Variants in MACROD2 observed in about 807,000 individuals in gnomAD.
MACROD2 encodes the protein ADP-ribose glycohydrolase MACROD2.
A neutral mutation model predicts 70.4 loss-of-function variants in MACROD2; 36 were observed. The ratio of observed to expected loss-of-function variants is 0.51; its 90% CI spans 0.39 to 0.68. MACROD2 has a LOEUF of 0.68. Among genes scored for constraint, MACROD2 ranks in the 30% least tolerant of loss-of-function variants. The pLI is 0.00. For synonymous variants in MACROD2, 172 were observed against 178.8 expected (o/e 0.96, Z 0.30); for missense variants, 496 against 538.4 (o/e 0.92, Z 0.78).
intron 8 of MACROD2, among the ~76,000 whole-genome samples, chr20:15,794,403 C>G (rs1357297869): frequency 6.6e-6 from 1 of 152,216 alleles, no homozygotes; most frequent in Non-Finnish European, 1.5e-5. Context: ...GAATCCCTGT[C>G]TTGCCAACCC....
intron 5 of MACROD2, among the ~76,000 whole-genome samples, chr20:15,027,182 G>A (rs2075238555): frequency 6.6e-6 from 1 of 152,052 alleles, no homozygotes; most frequent in Admixed American, 6.5e-5. Context: ...ATCTTTATAT[G>A]TTTAATTGGG....
intron 6 of MACROD2, among the ~76,000 whole-genome samples, chr20:15,285,893 G>C (rs1366209469): frequency 1.3e-5 from 2 of 150,406 alleles, no homozygotes; most frequent in East Asian, 2.0e-4. Flanking sequence ...TTTTGGGGGG[G>C]TTGCATTTAT....
At position 15,987,364 on chromosome 20, in the gene MACROD2, A is replaced by C. The variant is rs1249288124; in HGVS notation, c.1153+206A>C. Among the ~76,000 whole-genome samples, 6 of 152,224 alleles carry C rather than the reference A, an allele frequency of 3.9e-5. No homozygotes were observed. In the East Asian group the frequency reaches 1.2e-3, roughly 29 times the overall value. On this transcript the variant is annotated intron_variant, in intron 15 of 17. Coordinates refer to ENST00000684519, the MANE Select transcript of MACROD2 (RefSeq NM_001351661.2). ...TACTCGGAAGACTTATAGCAATTAC[A>C]TATAGCATAAAGATGTTTTTGTTAT... is the stretch of plus-strand genomic sequence containing the variant.
intron 10 of MACROD2, among the ~76,000 whole-genome samples, chr20:15,930,428 A>C (rs2065557098): frequency 6.6e-6 from 1 of 152,170 alleles, no homozygotes; most frequent in Non-Finnish European, 1.5e-5. Context: ...ATACTAATCT[A>C]ATTGCCCAAG....
At chr20:15,075,794 G>A (rs1363637723) in intron 5 of MACROD2, among the ~76,000 whole-genome samples, 1 of 152,132 alleles carries the variant, frequency 6.6e-6, no homozygotes, top group East Asian at 1.9e-4. Flanking sequence ...CGTCATGGCA[G>A]GGGGCAGCAA....
chr20:15,012,107 C>T (rs1375816553), intron 5 of MACROD2, among the ~76,000 whole-genome samples: 1 of 152,078 alleles, frequency 6.6e-6, no homozygotes. Context: ...CCCAAATGAA[C>T]CCCAAAGGGT....
chr20:15,735,659 G>T (rs903730442), intron 8 of MACROD2, among the ~76,000 whole-genome samples: 2 of 152,166 alleles, frequency 1.3e-5, no homozygotes, highest in Non-Finnish European at 2.9e-5. Flanking sequence ...TCTACTTTTT[G>T]TATTGGCAGG....
At chr20:15,075,490 G>A (rs2075650771) in intron 5 of MACROD2, among the ~76,000 whole-genome samples, 1 of 152,162 alleles carries the variant, frequency 6.6e-6, no homozygotes, top group Non-Finnish European at 1.5e-5. Context: ...AATTAGGACA[G>A]ACTTCAGGGC....
intron 6 of MACROD2, among the ~76,000 whole-genome samples, chr20:15,410,305 A>G (rs2046059585): frequency 6.6e-6 from 1 of 152,232 alleles, no homozygotes; most frequent in Non-Finnish European, 1.5e-5. Context: ...AAAGAGAAAT[A>G]TACCATAGCA....
intron 3 of MACROD2, among the ~76,000 whole-genome samples, chr20:14,089,798 AAC>A (rs1476229356): frequency 6.6e-6 from 1 of 152,232 alleles, no homozygotes; most frequent in Non-Finnish European, 1.5e-5. Flanking sequence ...AGACAAAAAT[AAC>A]ACAGAGTCCT....
At chr20:14,295,251 A>C (rs573497912) in intron 3 of MACROD2, among the ~76,000 whole-genome samples, 1 of 151,918 alleles carries the variant, frequency 6.6e-6, no homozygotes, top group East Asian at 1.9e-4. Context: ...ACTTCTTTCC[A>C]TGAAGGTTTA....
At chr20:14,370,844 A>C (rs1316079109) in intron 3 of MACROD2, among the ~76,000 whole-genome samples, 1 of 152,228 alleles carries the variant, frequency 6.6e-6, no homozygotes, top group Non-Finnish European at 1.5e-5. Flanking sequence ...TTGCATTTTC[A>C]GTAGAGAAAT....
chr20:14,862,476 AAT>A (rs1568840612), intron 5 of MACROD2, among the ~76,000 whole-genome samples: 2 of 6,188 alleles, frequency 3.2e-4, no homozygotes, highest in Non-Finnish European at 2.9e-4. Context: ...TATATATATA[AAT>A]ATATATAAAT....
intron 5 of MACROD2, among the ~76,000 whole-genome samples, chr20:15,071,639 A>G (rs2082003259): frequency 6.6e-6 from 1 of 152,184 alleles, no homozygotes; most frequent in Admixed American, 6.5e-5. Context: ...TTAAATTTGC[A>G]TTGTATTTAT....
intron 8 of MACROD2, among the ~76,000 whole-genome samples, chr20:15,530,255 CAG>C (rs1328010430): frequency 6.6e-6 from 1 of 152,066 alleles, no homozygotes; most frequent in Non-Finnish European, 1.5e-5. Flanking sequence ...ATGAAGGAGA[CAG>C]AAAGCTTTGG....
At chr20:15,065,076 A>G (rs190448402) in intron 5 of MACROD2, among the ~76,000 whole-genome samples, 3 of 152,358 alleles carry the variant, frequency 2.0e-5, no homozygotes, top group East Asian at 1.9e-4. Flanking sequence ...GCATGATGAC[A>G]GATCTTGACA....
chr20:15,033,493 A>G (rs2075290705), intron 5 of MACROD2, among the ~76,000 whole-genome samples: 1 of 152,168 alleles, frequency 6.6e-6, no homozygotes, highest in Non-Finnish European at 1.5e-5. Flanking sequence ...TGTCCATTTT[A>G]TCTGCTTATG....
chr20:14,940,783 A>G (rs1429557541), intron 5 of MACROD2, among the ~76,000 whole-genome samples: 1 of 152,034 alleles, frequency 6.6e-6, no homozygotes, highest in African/African-American at 2.4e-5. Flanking sequence ...ATGTGTTGTA[A>G]AATTTGGTTT....
chr20:15,075,910 T>C (rs1241076487), intron 5 of MACROD2, among the ~76,000 whole-genome samples: 1 of 152,142 alleles, frequency 6.6e-6, no homozygotes, highest in African/African-American at 2.4e-5. Flanking sequence ...GTAAACCAGG[T>C]ACTTTTAGGA....
Sources: gnomAD v4.1 joint callset for allele counts (sites outside exome capture counted in the v4.1 genomes callset) on GRCh38, gnomAD v4.1.1 for gene constraint, MANE v1.5 for transcripts, NCBI Gene and HGNC (gene_info 2026-07-23, HGNC 2026-07-21) for gene names.